CELF2: variants seen among roughly 807,000 people sequenced by gnomAD.
CELF2 encodes the protein CUGBP Elav-like family member 2.
Under a neutral mutation model 62.6 loss-of-function variants are expected in CELF2, and 8 were observed. The ratio of observed to expected loss-of-function variants is 0.13; its 90% confidence interval spans 0.07 to 0.23. The LOEUF (loss-of-function observed/expected upper bound fraction) is 0.23. Among genes scored for constraint, CELF2 ranks in the 10% least tolerant of loss-of-function variants. CELF2 has a pLI of 1.00. For missense variants in CELF2, 333 were observed against 671.0 expected (o/e 0.50, Z 5.56); for synonymous variants, 258 against 250.0 (o/e 1.03, Z -0.30).
chr10:10,487,655 A>G, the CELF2 span, among the ~76,000 whole-genome samples: 1 of 152,174 alleles, frequency 6.6e-6, no homozygotes, highest in Non-Finnish European at 1.5e-5. Context: ...TTTGATGCAT[A>G]TTTGAGAAGA....
rs949816322 is a variant in CELF2, at chr10:11,335,257, C to G, written c.*6204C>G. ...CCGCAGGCCCTGTTCTGCCTCTGCT[C>G]AGGAATCTGATTGCTCTTAAAGTGC... On this transcript the variant is annotated 3_prime_UTR_variant, in exon 13 of 13. Transcript: ENST00000633077. The surrounding 1 kb of genome is among the most constrained non-coding windows in gnomAD (Gnocchi z 5.0). 1 of 152,356 alleles carries G rather than the reference C, an allele frequency of 6.6e-6. No homozygotes were observed. The highest frequency in any genetic ancestry group is 1.5e-5 in the Non-Finnish European group (1 of 68,096). 9.4% of individuals were successfully genotyped at this position (152,356 alleles called of 1,614,324 possible). A position where few individuals can be genotyped will look rare whatever the true frequency, so the allele number is the denominator to read the frequency against.
the CELF2 span, among the ~76,000 whole-genome samples, chr10:10,495,148 G>A: frequency 6.6e-6 from 1 of 152,186 alleles, no homozygotes; most frequent in African/African-American, 2.4e-5. Context: ...AGGCATGGTG[G>A]CGGGCGCCTG....
chr10:10,797,395 A>G (rs1187889190), upstream of CELF2, among the ~76,000 whole-genome samples: 2 of 138,336 alleles, frequency 1.4e-5, no homozygotes, highest in Non-Finnish European at 3.2e-5. Flanking sequence ...CAACAAAGAG[A>G]AAAAAAAAAA....
At chr10:11,183,038 A>T (rs1488435412) in intron 2 of CELF2, among the ~76,000 whole-genome samples, 1 of 152,224 alleles carries the variant, frequency 6.6e-6, no homozygotes, top group Non-Finnish European at 1.5e-5. Flanking sequence ...ATCTTAACAT[A>T]TGTATACACC....
intron 2 of CELF2, among the ~76,000 whole-genome samples, chr10:11,212,881 T>C (rs1027361312): frequency 2.6e-4 from 39 of 152,068 alleles, no homozygotes; most frequent in African/African-American, 8.7e-4. Flanking sequence ...CCACTGCCAC[T>C]GGCAGAAGCT....
chr10:10,816,453 G>A (rs1213024709), intron 1 of CELF2, among the ~76,000 whole-genome samples: 1 of 152,178 alleles, frequency 6.6e-6, no homozygotes, highest in Non-Finnish European at 1.5e-5. Context: ...TATATTGAGT[G>A]TATTTTGCTA....
At chr10:10,637,724 C>G in the CELF2 span, among the ~76,000 whole-genome samples, 1 of 152,142 alleles carries the variant, frequency 6.6e-6, no homozygotes, top group Non-Finnish European at 1.5e-5. Flanking sequence ...CACGGAGTCG[C>G]AGATGATTTG....
At chr10:10,937,121 C>CTTTT (rs373143426) in intron 2 of CELF2, among the ~76,000 whole-genome samples, 343 of 90,346 alleles carry the variant, frequency 3.8e-3, no homozygotes, top group African/African-American at 0.015. Flanking sequence ...TTTTTCTTTT[C>CTTTT]TTTTTTTTTT....
At chr10:11,086,890 G>C (rs980621196) in intron 1 of CELF2, among the ~76,000 whole-genome samples, 3 of 152,152 alleles carry the variant, frequency 2.0e-5, no homozygotes, top group Non-Finnish European at 4.4e-5. Context: ...AGGAGGAGAT[G>C]GGGGAGCAAC....
the CELF2 span, among the ~76,000 whole-genome samples, chr10:10,598,925 G>A: frequency 6.6e-6 from 1 of 151,358 alleles, no homozygotes; most frequent in Non-Finnish European, 1.5e-5. Flanking sequence ...GCTTATTTTT[G>A]TATTTTTAGT....
intron 1 of CELF2, among the ~76,000 whole-genome samples, chr10:11,149,397 C>T (rs1311270691): frequency 6.6e-6 from 1 of 152,126 alleles, no homozygotes; most frequent in Admixed American, 6.5e-5. Context: ...AGGAAATGTC[C>T]CCACCCTCAT....
chr10:11,274,884 G>A (rs1158443556), intron 7 of CELF2, among the ~76,000 whole-genome samples, 173 bp from the exon 8 acceptor site: 1 of 152,208 alleles, frequency 6.6e-6, no homozygotes, highest in Non-Finnish European at 1.5e-5. Context: ...TTTCTTAATA[G>A]AGATTGGACA....
chr10:10,986,717 T>G (rs1004838288), intron 2 of CELF2, among the ~76,000 whole-genome samples: 1 of 152,234 alleles, frequency 6.6e-6, no homozygotes, highest in Non-Finnish European at 1.5e-5. Flanking sequence ...ATGGCACAAC[T>G]GTAACGGGCA....
At chr10:11,033,536 C>T (rs578163750) in intron 1 of CELF2, among the ~76,000 whole-genome samples, 12 of 152,304 alleles carry the variant, frequency 7.9e-5, no homozygotes, top group African/African-American at 2.4e-4. Flanking sequence ...GGATTACAGG[C>T]GTAAGCCACC....
chr10:11,044,882 C>T (rs1015334129), intron 1 of CELF2, among the ~76,000 whole-genome samples: 5 of 152,312 alleles, frequency 3.3e-5, no homozygotes, highest in South Asian at 2.1e-4. Flanking sequence ...AATATGTCCA[C>T]GTATTTGAAT....
intron 3 of CELF2, among the ~76,000 whole-genome samples, chr10:11,230,241 T>C (rs1379304768): frequency 6.6e-6 from 1 of 152,238 alleles, no homozygotes; most frequent in African/African-American, 2.4e-5. Context: ...AGCTTGATTG[T>C]GATCATCATT....
Position 11,257,801 on chromosome 10 carries a change from G to A in CELF2, c.467G>A (p.Arg156Lys). 1 of 1,613,720 alleles carries A rather than the reference G, an allele frequency of 6.2e-7. No homozygotes were observed. Among genetic ancestry groups the A allele is most frequent in the Non-Finnish European group, 8.5e-7 (1 of 1,179,566 alleles). The change falls in exon 5 of 13, where the codon AGG (arginine) becomes AAG (lysine). Residue 156 changes from arginine to lysine, a missense_variant. Arg to Lys is a conservative substitution (Grantham distance 26). This residue lies in a region of CELF2 where 253 missense variants were observed against 503.0 expected (regional missense o/e 0.50). Coordinates refer to ENST00000633077, the MANE Select transcript of CELF2 (RefSeq NM_001326342.2). Reference sequence around the variant, plus strand: ...AAGAAATGTAATGAGAACGACATCAGGGTGATGTTCTCTCCATTTGGCCAG... The same window carrying A: ...AAGAAATGTAATGAGAACGACATCAAGGTGATGTTCTCTCCATTTGGCCAG... Reference protein sequence around the residue: ...VSKKCNENDIRVMFSPFGQIE... With the variant: ...VSKKCNENDIKVMFSPFGQIE...
At chr10:10,962,954 A>G (rs1403674002) in intron 2 of CELF2, among the ~76,000 whole-genome samples, 1 of 152,196 alleles carries the variant, frequency 6.6e-6, no homozygotes, top group Non-Finnish European at 1.5e-5. Flanking sequence ...GTGCAATGCC[A>G]TCTTGGTAAG....
chr10:11,014,435 C>T (rs1382394476), upstream of CELF2, among the ~76,000 whole-genome samples: 3 of 152,162 alleles, frequency 2.0e-5, no homozygotes, highest in Non-Finnish European at 2.9e-5. Context: ...ACATGGGTCA[C>T]GATATATCAA....
Sources: gnomAD v4.1 joint callset for allele counts (sites outside exome capture counted in the v4.1 genomes callset) on GRCh38, gnomAD v4.1.1 for gene constraint, gnomAD v4.1.1 regional missense constraint, Gnocchi (gnomAD v3.1) non-coding constraint, MANE v1.5 for transcripts, NCBI Gene and HGNC (gene_info 2026-07-23, HGNC 2026-07-21) for gene names.